Variants in H2BC18 observed in about 807,000 individuals in gnomAD.
H2BC18 encodes histone H2B type 2-F.
A neutral mutation model predicts 6.3 loss-of-function variants in H2BC18; 8 were observed. That is an observed-to-expected ratio of 1.28 (90% CI 0.75 to 2.31). The LOEUF (loss-of-function observed/expected upper bound fraction) is 2.31, where lower values mean the gene tolerates loss of function less well. Ranked by LOEUF, H2BC18 falls within the 30% of genes most tolerant of loss-of-function variation. The pLI is 0.00. For missense variants in H2BC18, 106 were observed against 174.5 expected (o/e 0.61, Z 2.21); for synonymous variants, 104 against 78.1 (o/e 1.33, Z -1.75).
intron 1 of H2BC18, among the ~76,000 whole-genome samples, chr1:149,797,629 T>C (rs1348520239): frequency 6.6e-6 from 1 of 152,146 alleles, no homozygotes; most frequent in African/African-American, 2.4e-5. Context: ...CTTAATTCTC[T>C]CTCTGTTGCT....
intron 1 of H2BC18, among the ~76,000 whole-genome samples, chr1:149,797,720 C>T (rs1553752915): frequency 6.6e-6 from 1 of 152,134 alleles, no homozygotes; most frequent in Non-Finnish European, 1.5e-5. Context: ...GCCTCGGCCT[C>T]CCTAGCAGTT....
At chr1:149,785,434 TG>T (rs2091521488) in intron 1 of H2BC18, among the ~76,000 whole-genome samples, 1 of 142,016 alleles carries the variant, frequency 7.0e-6, no homozygotes, top group African/African-American at 2.7e-5. Flanking sequence ...TTTTTTTTTT[TG>T]AGACAGAGTC....
At chr1:149,799,492 T>G (rs868924031) in intron 1 of H2BC18, among the ~76,000 whole-genome samples, 12 of 152,002 alleles carry the variant, frequency 7.9e-5, no homozygotes, top group South Asian at 2.1e-4. Context: ...CCTCCTTTTA[T>G]TCCTTTATTT....
In H2BC18 at chr1:149,812,285, C is replaced by T; in HGVS notation, c.39G>A (p.Lys13=). The change falls in exon 1 of 1, where the codon AAG becomes AAA. Residue 13 remains lysine, a synonymous_variant. Coordinates refer to ENST00000369167, the MANE Select transcript of H2BC18 (RefSeq NM_001024599.5). Reference sequence around the variant, plus strand: ...CTTTCGTAACAGCCTTTTTGGAGCCCTTCTTGGGAGCAGGAGCGGATTTCG... The same window carrying T: ...CTTTCGTAACAGCCTTTTTGGAGCCTTTCTTGGGAGCAGGAGCGGATTTCG... ...DPAKSAPAPK[K]GSKKAVTKVQ... The T allele has an allele frequency of 6.2e-7, 1 of 1,614,182 alleles. No individual in the cohort carries two copies. The highest frequency in any genetic ancestry group is 8.5e-7 in the Non-Finnish European group (1 of 1,180,024).
At chr1:149,791,144 A>C in intron 1 of H2BC18, 3 of 1,597,608 alleles carry the variant, frequency 1.9e-6, no homozygotes, top group Non-Finnish European at 2.6e-6. Context: ...CAGGCACATC[A>C]GGTCTCAGCC....
At chr1:149,807,523 G>GC (rs2091929801), downstream of H2BC18, among the ~76,000 whole-genome samples, 1 of 63,110 alleles carries the variant, frequency 1.6e-5, no homozygotes, top group Admixed American at 1.9e-4. Context: ...GGGGGGGGGG[G>GC]GGGCGGGCAT....
At chr1:149,790,019 C>G in intron 1 of H2BC18, 1 of 1,611,714 alleles carries the variant, frequency 6.2e-7, no homozygotes, top group Non-Finnish European at 8.5e-7. Context: ...GGATGCTAAA[C>G]AGGCAACCTT....
At chr1:149,794,122 G>A in intron 1 of H2BC18, 1 of 452,160 alleles carries the variant, frequency 2.2e-6, no homozygotes, top group South Asian at 1.6e-5. Flanking sequence ...AAAGAGACCA[G>A]TTAGGAGTCT....
chr1:149,789,314 A>T (rs1437827758), intron 1 of H2BC18, among the ~76,000 whole-genome samples: 2 of 152,000 alleles, frequency 1.3e-5, no homozygotes, highest in African/African-American at 4.8e-5. Context: ...AATAGCATGA[A>T]CCCGGGAAGC....
intron 1 of H2BC18, among the ~76,000 whole-genome samples, chr1:149,800,859 G>A (rs1200351323): frequency 6.6e-6 from 1 of 152,014 alleles, no homozygotes; most frequent in African/African-American, 2.4e-5. Context: ...GCCAAGGTCG[G>A]TGGATCCCTT....
At chr1:149,795,439 C>T (rs1571406845) in intron 1 of H2BC18, among the ~76,000 whole-genome samples, 2 of 91,694 alleles carry the variant, frequency 2.2e-5, no homozygotes, top group Admixed American at 2.5e-4. Flanking sequence ...AACAAGTTTT[C>T]CTCTGCCTAG....
downstream of H2BC18, among the ~76,000 whole-genome samples, chr1:149,807,478 C>A (rs2091928024): frequency 1.6e-5 from 2 of 123,546 alleles, no homozygotes; most frequent in South Asian, 2.5e-4. Flanking sequence ...GGTGACAGAG[C>A]AAGACCCTGT....
chr1:149,789,123 G>A (rs6676369), intron 1 of H2BC18, among the ~76,000 whole-genome samples: 3,927 of 150,768 alleles, frequency 0.026, 151 homozygotes, highest in African/African-American at 0.092. Flanking sequence ...ACCCTTTCAC[G>A]GCCTTTCCTC....
At chr1:149,801,255 T>C (rs1169654394) in intron 1 of H2BC18, among the ~76,000 whole-genome samples, 1 of 151,548 alleles carries the variant, frequency 6.6e-6, no homozygotes, top group African/African-American at 2.4e-5. Flanking sequence ...GCAGAAGTCC[T>C]CCTTGGCACT....
rs1398242655 is a variant in H2BC18 at position 149,799,325 on chromosome 1, A to G, written c.377+12622T>C. ...ATGTAAATTTGACTTCCATTTCTTC[A>G]TAAGCATTTTCCCTGAATGTGTTTA... On this transcript the variant is annotated intron_variant, in intron 1 of 1. Coordinates refer to the H2BC18 transcript ENST00000545683. 2.0e-5 allele frequency among the ~76,000 whole-genome samples: 3 copies of G among 152,136 alleles called. No homozygotes were observed. The East Asian group carries it at 5.8e-4, about 29-fold the overall frequency.
At chr1:149,790,122 C>T (rs782376122) in intron 1 of H2BC18, 1 of 1,613,792 alleles carries the variant, frequency 6.2e-7, no homozygotes, top group East Asian at 2.2e-5. Context: ...TCTGGTCACC[C>T]TGAGCTGTGA....
intron 1 of H2BC18, among the ~76,000 whole-genome samples, chr1:149,800,842 T>C (rs1479139659): frequency 1.3e-5 from 2 of 151,832 alleles, no homozygotes; most frequent in Non-Finnish European, 2.9e-5. Flanking sequence ...ACCCAGAACT[T>C]TGGGAGGCCA....
At chr1:149,787,116 G>A (rs593192) in intron 1 of H2BC18, 4 of 152,234 alleles carry the variant, frequency 2.6e-5, no homozygotes, top group Non-Finnish European at 2.9e-5. Flanking sequence ...CAGTGTTTGG[G>A]CAGTGCAGTC....
intron 1 of H2BC18, among the ~76,000 whole-genome samples, chr1:149,793,807 G>A (rs1360328760): frequency 6.6e-6 from 1 of 151,820 alleles, no homozygotes; most frequent in Non-Finnish European, 1.5e-5. Context: ...GTTCAGGCCC[G>A]TTTCAGAACA....
Sources: allele counts gnomAD v4.1 joint callset (sites outside exome capture counted in the v4.1 genomes callset), GRCh38; gene constraint gnomAD v4.1.1; transcripts MANE v1.5; gene names NCBI Gene and HGNC (gene_info 2026-07-23, HGNC 2026-07-21).